LARGE1: variants seen among roughly 807,000 people sequenced by gnomAD.
LARGE1 encodes xylosyl- and glucuronyltransferase LARGE1.
Under a neutral mutation model 87.6 loss-of-function variants are expected in LARGE1, and 43 were observed. That is an observed-to-expected ratio of 0.49 (90% confidence interval 0.38 to 0.63). LARGE1 has a LOEUF of 0.63. Ranked by LOEUF, LARGE1 falls within the 30% of genes least tolerant of loss-of-function variation. The pLI is 0.00. For synonymous variants in LARGE1, 434 were observed against 394.6 expected, an observed-to-expected ratio of 1.10 and a Z score of -1.18; for missense variants, 802 against 1,000.2, an observed-to-expected ratio of 0.80 and a Z score of 2.67.
At chr22:33,245,895 C>A (rs142072454) in intron 11 of LARGE1, among the ~76,000 whole-genome samples, 2 of 152,098 alleles carry the variant, frequency 1.3e-5, no homozygotes, top group African/African-American at 4.8e-5. Context: ...GGCAACAGAA[C>A]GAGACTCCAT....
chr22:33,451,976 T>G (rs1306905605), intron 6 of LARGE1, among the ~76,000 whole-genome samples: 2 of 152,218 alleles, frequency 1.3e-5, no homozygotes, highest in Non-Finnish European at 2.9e-5. Context: ...TGGTCTCCAA[T>G]TACACCCAGG....
intron 2 of LARGE1, among the ~76,000 whole-genome samples, chr22:33,741,479 G>A (rs2083878868): frequency 6.6e-6 from 1 of 152,202 alleles, no homozygotes. Context: ...TTAGTCACCT[G>A]GATTAGTTGC....
chr22:33,183,614 A>ACG (rs1199452086), intron 11 of LARGE1, among the ~76,000 whole-genome samples: 2 of 94,034 alleles, frequency 2.1e-5, no homozygotes, highest in African/African-American at 7.6e-5. Flanking sequence ...ACACACACAC[A>ACG]CACACGCACA....
rs76942162 is a variant in LARGE1 at position 33,595,346 on chromosome 22, C to T, written c.615+9089G>A. 2.5e-3 allele frequency among the ~76,000 whole-genome samples: 382 copies of T among 152,204 alleles called. 2 individuals are homozygous for T. The highest frequency in any genetic ancestry group is 8.7e-3 in the African/African-American group (362 of 41,526). On this transcript the variant is annotated intron_variant, in intron 5 of 14. Coordinates refer to ENST00000397394, the MANE Select transcript of LARGE1 (RefSeq NM_133642.5). ...AAAAAAGGTGAGTTGGGACACTTCACTGCTTTTAAATGAGTTTAAGACTCT... is the reference window on the plus strand; with the variant it reads ...AAAAAAGGTGAGTTGGGACACTTCATTGCTTTTAAATGAGTTTAAGACTCT...
At chr22:33,658,583 C>T (rs1351459727) in intron 2 of LARGE1, among the ~76,000 whole-genome samples, 1 of 152,180 alleles carries the variant, frequency 6.6e-6, no homozygotes, top group Non-Finnish European at 1.5e-5. Context: ...ATAATGGCTT[C>T]CAGCTTCATC....
chr22:33,730,351 G>A (rs1004672732), intron 2 of LARGE1, among the ~76,000 whole-genome samples: 1 of 152,084 alleles, frequency 6.6e-6, no homozygotes, highest in Non-Finnish European at 1.5e-5. Flanking sequence ...TAAAGCTTCT[G>A]GTCAACAGTA....
At chr22:33,505,377 A>C (rs1278380555) in intron 6 of LARGE1, among the ~76,000 whole-genome samples, 3 of 152,196 alleles carry the variant, frequency 2.0e-5, no homozygotes, top group Non-Finnish European at 4.4e-5. Context: ...ATCGTAGTAG[A>C]GATGAGAGGA....
At chr22:33,306,691 G>A (rs953181798) in intron 11 of LARGE1, among the ~76,000 whole-genome samples, 1 of 152,060 alleles carries the variant, frequency 6.6e-6, no homozygotes, top group Non-Finnish European at 1.5e-5. Context: ...GACTGACATG[G>A]TGAAACCCCA....
At chr22:33,533,889 G>GT (rs797001822) in intron 6 of LARGE1, among the ~76,000 whole-genome samples, 6,710 of 140,926 alleles carry the variant, frequency 0.048, 461 homozygotes, top group African/African-American at 0.16. Flanking sequence ...TTAATTTCAG[G>GT]TTTTTTTTTT....
At chr22:33,820,182 T>C (rs2086777835) in intron 1 of LARGE1, among the ~76,000 whole-genome samples, 1 of 152,246 alleles carries the variant, frequency 6.6e-6, no homozygotes, top group Non-Finnish European at 1.5e-5. Flanking sequence ...CCTAAAGGAA[T>C]AGTTATGCTG....
chr22:33,506,508 T>A (rs2070774137), intron 6 of LARGE1, among the ~76,000 whole-genome samples: 1 of 152,154 alleles, frequency 6.6e-6, no homozygotes, highest in Non-Finnish European at 1.5e-5. Context: ...AGATGATGAC[T>A]CTGCATGGTC....
chr22:33,545,612 T>A (rs2077340713), intron 6 of LARGE1, among the ~76,000 whole-genome samples: 1 of 152,326 alleles, frequency 6.6e-6, no homozygotes, highest in Non-Finnish European at 1.5e-5. Context: ...TGGCTAATTG[T>A]ATTTTTTGCA....
At chr22:33,165,136 C>A (rs1158979740) in exon 12 of LARGE1, 1 of 152,148 alleles carries the variant, frequency 6.6e-6, no homozygotes, top group Non-Finnish European at 1.5e-5. Flanking sequence ...ATGTGTACCA[C>A]TGAATCTAAA....
chr22:33,471,996 G>A (rs1162104574), intron 6 of LARGE1, among the ~76,000 whole-genome samples: 1 of 152,138 alleles, frequency 6.6e-6, no homozygotes, highest in Non-Finnish European at 1.5e-5. Context: ...GTTGCAGTGA[G>A]CTGAGATCAC....
intron 2 of LARGE1, among the ~76,000 whole-genome samples, chr22:33,725,295 GCA>G (rs1173438552): frequency 6.6e-6 from 1 of 152,224 alleles, no homozygotes; most frequent in Non-Finnish European, 1.5e-5. Context: ...GGAGGCAGGA[GCA>G]CAGAGGCGAC....
intron 1 of LARGE1, among the ~76,000 whole-genome samples, chr22:33,911,502 G>A (rs949922426): frequency 6.6e-5 from 10 of 152,046 alleles, no homozygotes; most frequent in East Asian, 1.9e-4. Context: ...ATTCTCCCAC[G>A]TCCACTTCAT....
intron 4 of LARGE1, among the ~76,000 whole-genome samples, chr22:33,611,115 G>C (rs1367381370): frequency 1.3e-5 from 2 of 152,208 alleles, no homozygotes; most frequent in African/African-American, 4.8e-5. Context: ...GTTCTATTAG[G>C]GCAGTGCTTA....
intron 9 of LARGE1, among the ~76,000 whole-genome samples, chr22:33,381,517 C>A (rs1159698327): frequency 6.6e-6 from 1 of 152,148 alleles, no homozygotes; most frequent in African/African-American, 2.4e-5. Flanking sequence ...TTGCACATTT[C>A]TCTCCTCCTC....
intron 11 of LARGE1, among the ~76,000 whole-genome samples, chr22:33,210,204 C>T (rs1357386835): frequency 1.3e-5 from 2 of 152,242 alleles, no homozygotes; most frequent in Non-Finnish European, 2.9e-5. Flanking sequence ...GGTCCTTGAC[C>T]CAGGGGTCCC....
Sources: allele counts gnomAD v4.1 joint callset (sites outside exome capture counted in the v4.1 genomes callset), GRCh38; gene constraint gnomAD v4.1.1; transcripts MANE v1.5; gene names NCBI Gene and HGNC (gene_info 2026-07-23, HGNC 2026-07-21).